Variants in PKHD1 observed in about 807,000 individuals in gnomAD.
The protein encoded by PKHD1 is fibrocystin.
In PKHD1, 291 loss-of-function variants were observed where a neutral mutation model predicts 412.0. The ratio of observed to expected loss-of-function variants is 0.71; its 90% confidence interval spans 0.64 to 0.78. The LOEUF (loss-of-function observed/expected upper bound fraction) is 0.78. Among genes scored for constraint, PKHD1 ranks in the 30% least tolerant of loss-of-function variants. The pLI is 0.00. For synonymous variants in PKHD1, 1,777 were observed against 1,821.5 expected (o/e 0.98, Z 0.62); for missense variants, 4,825 against 4,950.7 (o/e 0.97, Z 0.76).
At chr6:52,076,656 T>C (rs920260215) in intron 5 of PKHD1, among the ~76,000 whole-genome samples, 1 of 152,202 alleles carries the variant, frequency 6.6e-6, no homozygotes, top group Non-Finnish European at 1.5e-5. Context: ...CACATTTTAC[T>C]AGAAGGAAAG....
intron 52 of PKHD1, among the ~76,000 whole-genome samples, chr6:51,821,769 C>G (rs972571203): frequency 6.6e-6 from 1 of 152,222 alleles, no homozygotes; most frequent in Non-Finnish European, 1.5e-5. Flanking sequence ...GGCTGAAGCG[C>G]TCCACCTCCT....
At position 51,632,631 on chromosome 6, in the gene PKHD1, A is replaced by C; in HGVS notation, c.11599T>G (p.Ser3867Ala). Reference sequence around the variant, plus strand: ...CTCAGAGCCAGCCATGAGGCCACAGAGGACAGGGAAGCAGCCAGGATGATG... The same window carrying C: ...CTCAGAGCCAGCCATGAGGCCACAGCGGACAGGGAAGCAGCCAGGATGATG... Reference protein sequence around the residue: ...STIILAASLSSVASWLALSCL... With the variant: ...STIILAASLSAVASWLALSCL... The change falls in exon 65 of 67, where the codon TCT becomes GCT. Residue 3867 changes from serine to alanine, a missense_variant. Ser to Ala is a moderately conservative substitution (Grantham distance 99, BLOSUM62 1). Transcript: ENST00000371117. The C allele has an allele frequency of 6.2e-7, 1 of 1,613,590 alleles. No individual in the cohort carries two copies. Among genetic ancestry groups the C allele is most frequent in the Non-Finnish European group, 8.5e-7 (1 of 1,179,656 alleles).
intron 49 of PKHD1, among the ~76,000 whole-genome samples, chr6:51,850,229 C>T (rs1771945516): frequency 6.6e-6 from 1 of 152,082 alleles, no homozygotes; most frequent in African/African-American, 2.4e-5. Flanking sequence ...TTTCTGAAGT[C>T]TCTGTTCTGC....
At chr6:51,886,017 T>C in intron 44 of PKHD1, 45 bp from the exon 45 acceptor site, 1 of 1,123,408 alleles carries the variant, frequency 8.9e-7, no homozygotes, top group African/African-American at 1.5e-5. Flanking sequence ...TTTATGTTTC[T>C]AACTTTCTAC....
chr6:52,024,817 G>C lies in PKHD1; in HGVS notation c.4993C>G (p.Gln1665Glu). The C allele has an allele frequency of 6.2e-7, 1 of 1,614,178 alleles. No individual in the cohort carries two copies. The highest frequency in any genetic ancestry group is 8.5e-7 in the Non-Finnish European group (1 of 1,180,032). Residue 1665 changes from glutamine to glutamate, a missense_variant, in exon 32 of 67, where the codon CAG becomes GAG. Gln to Glu is a conservative substitution (Grantham distance 29, BLOSUM62 2). Transcript: ENST00000371117. ...AFTPELISISQSDDILTFAVA... is the reference protein window; with the variant it reads ...AFTPELISISESDDILTFAVA... ...GCAAAGGTTAAGATGTCATCGCTCT[G>C]AGAAATAGAGATCAATTCTGGGGTA...
intron 27 of PKHD1, among the ~76,000 whole-genome samples, chr6:52,036,899 T>C (rs141079094): frequency 2.0e-3 from 302 of 152,320 alleles, no homozygotes; most frequent in African/African-American, 6.9e-3. Flanking sequence ...GCAATTTCAA[T>C]AGACATATAA....
At position 51,619,271 on chromosome 6, in the gene PKHD1, G is replaced by C; in HGVS notation, c.12035C>G (p.Ala4012Gly). 2 of 1,614,242 alleles carry C rather than the reference G, an allele frequency of 1.2e-6. No homozygotes were observed. Among genetic ancestry groups the C allele is most frequent in the Non-Finnish European group, 1.7e-6 (2 of 1,180,042 alleles). The stretch of plus-strand genomic sequence containing the variant: ...TAGCAGCAGCAGCTGATTTTGGCCT[G>C]CCAGCTGGTATCTGAGCAACTGCTC... ...GQEQLLRYQL[A>G]GQNQLLLLCP... is the part of the protein sequence containing the mutation. Residue 4012 changes from alanine to glycine, a missense_variant, in exon 67 of 67, where the codon GCA becomes GGA. Coordinates refer to ENST00000371117, the MANE Select transcript of PKHD1 (RefSeq NM_138694.4).
chr6:51,832,839 G>A (rs936114605), intron 51 of PKHD1, among the ~76,000 whole-genome samples: 2 of 152,020 alleles, frequency 1.3e-5, no homozygotes, highest in African/African-American at 2.4e-5. Flanking sequence ...AGAGACCCAG[G>A]ATAACCTAAA....
intron 65 of PKHD1, among the ~76,000 whole-genome samples, chr6:51,629,209 A>G (rs1252951458): frequency 6.6e-6 from 1 of 152,100 alleles, no homozygotes. Context: ...ATAAATAAAA[A>G]AAGTGGGACC....
chr6:51,748,361 C>T lies in PKHD1; in HGVS notation c.9255G>A (p.Gln3085=). 1 of 1,614,034 alleles carries T rather than the reference C, an allele frequency of 6.2e-7. No individual in the cohort carries two copies. Among genetic ancestry groups the T allele is most frequent in the Admixed American group, 1.7e-5 (1 of 59,978 alleles). Reference sequence around the variant, plus strand: ...TGCCATGGAGGTTGATGTCCTTTACCTGGTTCACTTTGATTCCCGCCACCC... The same window carrying T: ...TGCCATGGAGGTTGATGTCCTTTACTTGGTTCACTTTGATTCCCGCCACCC... ...TIWVAGIKVN[Q]VKDINLHGNV... The change falls in exon 58 of 67, where the codon CAG becomes CAA. Residue 3085 remains glutamine (Q), a synonymous_variant. Transcript: ENST00000371117.
intron 21 of PKHD1, among the ~76,000 whole-genome samples, chr6:52,052,847 C>T (rs1807081993): frequency 6.6e-6 from 1 of 151,976 alleles, no homozygotes; most frequent in Non-Finnish European, 1.5e-5. Context: ...AGTAAGAATA[C>T]AGACACCAGA....
At chr6:51,958,343 C>T (rs992580487) in intron 36 of PKHD1, among the ~76,000 whole-genome samples, 4 of 152,048 alleles carry the variant, frequency 2.6e-5, no homozygotes, top group Non-Finnish European at 5.9e-5. Flanking sequence ...ATTACCTAAA[C>T]CAGAAATGCT....
chr6:51,752,855 T>C (rs1245439933), intron 57 of PKHD1, among the ~76,000 whole-genome samples: 1 of 152,186 alleles, frequency 6.6e-6, no homozygotes, highest in East Asian at 1.9e-4. Flanking sequence ...CCATCAGATA[T>C]AGCATGCTAC....
chr6:52,053,635 A>G (rs1807234355), intron 20 of PKHD1, among the ~76,000 whole-genome samples: 1 of 152,230 alleles, frequency 6.6e-6, no homozygotes, highest in Non-Finnish European at 1.5e-5. Context: ...TACAAGACCC[A>G]TGAGAATTAT....
intron 36 of PKHD1, among the ~76,000 whole-genome samples, chr6:51,953,922 T>A (rs1374984266): frequency 1.3e-5 from 2 of 152,034 alleles, no homozygotes; most frequent in African/African-American, 4.8e-5. Flanking sequence ...CACTTCTCCA[T>A]CCGTCCCTCC....
chr6:51,667,071 G>A (rs1389553519), intron 60 of PKHD1, among the ~76,000 whole-genome samples: 1 of 148,408 alleles, frequency 6.7e-6, no homozygotes, highest in Non-Finnish European at 1.5e-5. Flanking sequence ...GTAATGGGAT[G>A]GCTGGGTCAA....
intron 60 of PKHD1, among the ~76,000 whole-genome samples, chr6:51,689,455 C>G (rs912160201): frequency 2.6e-5 from 4 of 152,212 alleles, no homozygotes; most frequent in African/African-American, 9.6e-5. Context: ...TGTCCTCTCT[C>G]ACCACTCCTA....
chr6:51,722,751 A>G (rs920974614), intron 60 of PKHD1, among the ~76,000 whole-genome samples: 1 of 152,212 alleles, frequency 6.6e-6, no homozygotes, highest in African/African-American at 2.4e-5. Context: ...GCCACATGCT[A>G]ATGTAATTAA....
chr6:51,699,000 A>C (rs1779110694), intron 60 of PKHD1, among the ~76,000 whole-genome samples: 1 of 152,238 alleles, frequency 6.6e-6, no homozygotes, highest in African/African-American at 2.4e-5. Context: ...GTCTCCAGTT[A>C]TGAAACACCT....
Sources: allele counts gnomAD v4.1 joint callset (sites outside exome capture counted in the v4.1 genomes callset), GRCh38; gene constraint gnomAD v4.1.1; transcripts MANE v1.5; gene names NCBI Gene and HGNC (gene_info 2026-07-23, HGNC 2026-07-21).